The following HNF1B variants were observed in gnomAD, a reference collection of about 807,000 sequenced individuals.
HNF1B encodes the protein HNF1 homeobox B, also known as hepatocyte nuclear factor 1-beta.
A neutral mutation model predicts 61.7 loss-of-function variants in HNF1B; 8 were observed. That is an observed-to-expected ratio of 0.13 (90% CI 0.08 to 0.23). The LOEUF (loss-of-function observed/expected upper bound fraction) is 0.23. Ranked by LOEUF, HNF1B falls within the 10% of genes least tolerant of loss-of-function variation. The pLI, the probability that HNF1B is intolerant of heterozygous loss-of-function variation, is 1.00. For missense variants in HNF1B, 562 were observed against 714.5 expected, an observed-to-expected ratio of 0.79 and a Z score of 2.43; for synonymous variants, 314 against 287.7, an observed-to-expected ratio of 1.09 and a Z score of -0.93.
At chr17:37,731,425 G>C (rs760950633) in intron 4 of HNF1B, 170 bp downstream of exon 4, 21 of 716,578 alleles carry the variant, frequency 2.9e-5, no homozygotes, top group Non-Finnish European at 4.3e-5. Flanking sequence ...GGAGGAAACT[G>C]ATCAGAGCCA....
At chr17:37,708,516 G>A (rs2032826440) in intron 5 of HNF1B, among the ~76,000 whole-genome samples, 2 of 152,190 alleles carry the variant, frequency 1.3e-5, no homozygotes, top group Admixed American at 6.5e-5. Context: ...GCAGAGCTCA[G>A]TAGGAAACCC....
At chr17:37,697,748 T>C (rs1044462998) in intron 8 of HNF1B, among the ~76,000 whole-genome samples, 1 of 152,104 alleles carries the variant, frequency 6.6e-6, no homozygotes, top group Non-Finnish European at 1.5e-5. Flanking sequence ...TGAGGGGTTG[T>C]CCTTTCATCT....
chr17:37,710,575 C>T lies in HNF1B; in HGVS notation c.1134G>A (p.Gln378=), dbSNP rs756128569. ...HHGNSAMVTS[Q]SVLQQVSPAS... ...CTGGGGAGACTTGCTGTAAAACCGACTGGCTGGTCACCATGGCGCTGTTGC... is the reference window on the plus strand; with the variant it reads ...CTGGGGAGACTTGCTGTAAAACCGATTGGCTGGTCACCATGGCGCTGTTGC... The change falls in exon 5 of 9, where the codon CAG becomes CAA. Residue 378 remains glutamine (Q), a synonymous_variant. Transcript: ENST00000617811. The T allele has an allele frequency of 1.1e-5, 18 of 1,614,070 alleles. No homozygotes were observed. The East Asian group carries it at 3.6e-4, about 32-fold the overall frequency.
intron 4 of HNF1B, among the ~76,000 whole-genome samples, chr17:37,725,401 C>G (rs374447259): frequency 6.6e-6 from 1 of 152,198 alleles, no homozygotes; most frequent in African/African-American, 2.4e-5. Flanking sequence ...CAGGGCTGGT[C>G]CCCTATCAGA....
At chr17:37,722,033 G>A (rs1020535580) in intron 4 of HNF1B, among the ~76,000 whole-genome samples, 5 of 152,180 alleles carry the variant, frequency 3.3e-5, no homozygotes, top group East Asian at 1.9e-4. Context: ...AAAGGTGTGC[G>A]TGGGTGGAGG....
chr17:37,744,615 G>A lies in HNF1B; in HGVS notation c.270C>T (p.Pro90=), dbSNP rs1402113878. The change falls in exon 1 of 9, where the codon CCC becomes CCT. Residue 90 remains proline, a synonymous_variant. Coordinates refer to ENST00000617811, the MANE Select transcript of HNF1B (RefSeq NM_000458.4). ...SEDGDDYDTP[P]ILKELQALNT... is the part of the protein sequence containing the mutation. Reference sequence around the variant, plus strand: ...TGAGCGCCTGCAGCTCCTTGAGGATGGGAGGTGTGTCATAGTCGTCGCCGT... The same window carrying A: ...TGAGCGCCTGCAGCTCCTTGAGGATAGGAGGTGTGTCATAGTCGTCGCCGT... 4 of 1,610,516 alleles carry A rather than the reference G, an allele frequency of 2.5e-6. No individual in the cohort carries two copies. The highest frequency in any genetic ancestry group is 1.3e-5 in the African/African-American group (1 of 74,952).
chr17:37,707,839 C>T (rs2032802668), intron 5 of HNF1B, among the ~76,000 whole-genome samples: 1 of 151,322 alleles, frequency 6.6e-6, no homozygotes, highest in South Asian at 2.1e-4. Flanking sequence ...TTTGTCAATG[C>T]GTGACATTTG....
chr17:37,718,801 T>C (rs938176983), intron 4 of HNF1B, among the ~76,000 whole-genome samples: 1 of 152,280 alleles, frequency 6.6e-6, no homozygotes, highest in Admixed American at 6.5e-5. Flanking sequence ...TAAACATTTA[T>C]TGAAGGAGTA....
chr17:37,716,608 C>T (rs925111400), intron 4 of HNF1B, among the ~76,000 whole-genome samples: 5 of 152,126 alleles, frequency 3.3e-5, no homozygotes, highest in Admixed American at 1.3e-4. Flanking sequence ...TTATATAGAC[C>T]CTACTGCGCC....
At chr17:37,734,622 A>G (rs571469322) in intron 2 of HNF1B, among the ~76,000 whole-genome samples, 8 of 152,160 alleles carry the variant, frequency 5.3e-5, no homozygotes, top group Admixed American at 1.3e-4. Flanking sequence ...ACCGAAGAAG[A>G]AAGCTTTGCT....
chr17:37,744,391 C>T, intron 1 of HNF1B, 150 bp downstream of exon 1: 1 of 755,742 alleles, frequency 1.3e-6, no homozygotes, highest in Non-Finnish European at 2.2e-6. Flanking sequence ...GGGAAGGGTC[C>T]GGGTGTTGGG....
At chr17:37,720,805 C>G in intron 4 of HNF1B, 1 of 985,272 alleles carries the variant, frequency 1.0e-6, no homozygotes, top group Non-Finnish European at 1.2e-6. Flanking sequence ...GCAAGGTGTT[C>G]AGAGACTTCA....
intron 4 of HNF1B, among the ~76,000 whole-genome samples, chr17:37,717,635 C>T (rs1158529415): frequency 6.6e-6 from 1 of 152,192 alleles, no homozygotes; most frequent in Admixed American, 6.5e-5. Context: ...TACCTTCTCC[C>T]TAAACACTTT....
chr17:37,731,891 G>T, intron 3 of HNF1B, 61 bp from the exon 4 acceptor site: 3 of 1,124,520 alleles, frequency 2.7e-6, no homozygotes, highest in Non-Finnish European at 4.0e-6. Context: ...GTTGGTGCTT[G>T]GCCAAAAACA....
intron 6 of HNF1B, 87 bp from the exon 7 acceptor site, chr17:37,701,264 TC>T: frequency 7.7e-7 from 1 of 1,294,668 alleles, no homozygotes; most frequent in South Asian, 1.3e-5. Context: ...CCGCTCAATG[TC>T]CCAGTCACCG....
intron 3 of HNF1B, among the ~76,000 whole-genome samples, chr17:37,732,849 G>GA (rs1273140310): frequency 6.7e-6 from 1 of 148,628 alleles, no homozygotes. Context: ...TTGTTTTTTT[G>GA]TTTTTTTTTT....
At chr17:37,723,068 G>A (rs564193053) in intron 4 of HNF1B, among the ~76,000 whole-genome samples, 14 of 152,018 alleles carry the variant, frequency 9.2e-5, no homozygotes, top group Non-Finnish European at 1.9e-4. Context: ...GGCCGGGCGC[G>A]GTGGCTCACG....
chr17:37,688,254 C>T (rs984595666), intron 8 of HNF1B, among the ~76,000 whole-genome samples: 1 of 152,226 alleles, frequency 6.6e-6, no homozygotes, highest in Non-Finnish European at 1.5e-5. Context: ...TGGAGTGTCA[C>T]TGCTTTCCTT....
At chr17:37,700,217 TC>T (rs11381764) in intron 7 of HNF1B, among the ~76,000 whole-genome samples, 29,295 of 152,154 alleles carry the variant, frequency 0.19, 3,283 homozygotes, top group East Asian at 0.41. Context: ...CCACGATTCC[TC>T]CCCAAACTCC....
Sources: gnomAD v4.1 joint callset for allele counts (sites outside exome capture counted in the v4.1 genomes callset) on GRCh38, gnomAD v4.1.1 for gene constraint, MANE v1.5 for transcripts, NCBI Gene and HGNC (gene_info 2026-07-23, HGNC 2026-07-21) for gene names.